The following NFATC1 variants were observed in gnomAD, a reference collection of about 807,000 sequenced individuals.
NFATC1 encodes nuclear factor of activated T-cells, cytoplasmic 1.
In NFATC1, 22 loss-of-function variants were observed where a neutral mutation model predicts 76.0. The observed-to-expected ratio is 0.29, with a 90% CI of 0.21 to 0.41. NFATC1 has a LOEUF of 0.41. Among genes scored for constraint, NFATC1 ranks in the 10% least tolerant of loss-of-function variants. The probability of loss-of-function intolerance (pLI) is 1.00; values close to 1 mark genes in which losing one functional copy is unlikely to be tolerated. For synonymous variants in NFATC1, 704 were observed against 613.1 expected (o/e 1.15, Z -2.19); for missense variants, 1,357 against 1,337.7 (o/e 1.01, Z -0.23).
chr18:79,410,831 G>T lies in NFATC1; in HGVS notation c.556G>T (p.Ala186Ser). Residue 186 changes from alanine (A) to serine (S), a missense_variant, in exon 2 of 10, where the codon GCC becomes TCC. Physicochemically the swap from Ala to Ser is moderately conservative, Grantham distance 99. Around this residue, in one of 3 missense-constraint regions of NFATC1, gnomAD observed 691 missense variants for 613.1 expected, o/e 1.13. Transcript: ENST00000427363. This position sits in a 1 kb window ranked among gnomAD's most constrained non-coding sequence, Gnocchi z 6.7. The part of the protein sequence containing the change: ...SLSSRSCNSE[A>S]SSYESNYSYP... ...GTCCTCCCGGAGCTGCAACTCAGAG[G>T]CCTCCTCCTACGAGTCCAACTACTC... is the stretch of plus-strand genomic sequence containing the variant. The T allele has an allele frequency of 6.2e-7, 1 of 1,611,736 alleles. No individual in the cohort carries two copies. The highest frequency in any genetic ancestry group is 8.5e-7 in the Non-Finnish European group (1 of 1,179,438).
At chr18:79,516,566 T>C (rs888526779) in intron 9 of NFATC1, among the ~76,000 whole-genome samples, 4 of 152,248 alleles carry the variant, frequency 2.6e-5, no homozygotes, top group African/African-American at 9.6e-5. Flanking sequence ...CGCCCAGCAG[T>C]GTCGGACAGT....
At chr18:79,419,275 T>C (rs549007563) in intron 2 of NFATC1, among the ~76,000 whole-genome samples, 174 of 152,328 alleles carry the variant, frequency 1.1e-3, no homozygotes, top group African/African-American at 4.0e-3. Context: ...CCTCCCGACC[T>C]GTCCTCTCAA....
chr18:79,492,130 G>A (rs983605611), intron 9 of NFATC1, among the ~76,000 whole-genome samples: 1 of 152,210 alleles, frequency 6.6e-6, no homozygotes, highest in Non-Finnish European at 1.5e-5. Context: ...CAGAGTCTAG[G>A]TAGGGGGTCC....
intron 2 of NFATC1, among the ~76,000 whole-genome samples, chr18:79,413,838 C>CTGTT (rs2085783163): frequency 6.6e-6 from 1 of 152,148 alleles, no homozygotes; most frequent in African/African-American, 2.4e-5. Flanking sequence ...GCATGGGTGG[C>CTGTT]TGTTTATTTT....
intron 1 of NFATC1, among the ~76,000 whole-genome samples, chr18:79,398,817 C>T (rs891858483): frequency 6.6e-6 from 1 of 152,246 alleles, no homozygotes; most frequent in African/African-American, 2.4e-5. Context: ...GCCTGTAATC[C>T]CAGCACTTTG....
At chr18:79,468,071 C>A in intron 8 of NFATC1, 1 of 855,244 alleles carries the variant, frequency 1.2e-6, no homozygotes. Flanking sequence ...GACACTTCTC[C>A]AGGGGTAACT....
intron 1 of NFATC1, among the ~76,000 whole-genome samples, chr18:79,399,397 C>G (rs1171032963): frequency 6.6e-6 from 1 of 152,234 alleles, no homozygotes; most frequent in Non-Finnish European, 1.5e-5. Context: ...GGTTGCCAGC[C>G]TTGACACGCG....
chr18:79,492,529 G>GA (rs2089710086), intron 9 of NFATC1, among the ~76,000 whole-genome samples: 1 of 151,964 alleles, frequency 6.6e-6, no homozygotes, highest in South Asian at 2.1e-4. Flanking sequence ...CTAACATGGT[G>GA]AAACCCCATC....
rs144287789 is a variant in NFATC1, at chr18:79,527,182, G to A, written c.2783-346G>A. On this transcript the variant is annotated intron_variant, in intron 9 of 9. Transcript: ENST00000427363. ...CGACACTGGTGCTGACACCACAGAAGTGCTGGTGTGGACCTGTGGGTCGCT... is the reference window on the plus strand; with the variant it reads ...CGACACTGGTGCTGACACCACAGAAATGCTGGTGTGGACCTGTGGGTCGCT... The A allele has an allele frequency of 1.3e-3, 278 of 220,046 alleles. 2 individuals are homozygous for A. Among genetic ancestry groups the A allele is most frequent in the Middle Eastern group, 0.012 (7 of 598 alleles). The allele number at this position is 220,046 out of a possible 1,614,324, so 13.6% of individuals were successfully genotyped here.
At chr18:79,429,368 CT>C (rs570144791) in intron 2 of NFATC1, among the ~76,000 whole-genome samples, 49 of 149,650 alleles carry the variant, frequency 3.3e-4, no homozygotes, top group African/African-American at 1.1e-3. Flanking sequence ...TTCACCCGAG[CT>C]TTTTTTTTTA....
chr18:79,470,335 G>C (rs11662064), intron 8 of NFATC1: 1 of 152,282 alleles, frequency 6.6e-6, no homozygotes, highest in Non-Finnish European at 1.5e-5. Context: ...TAGCAGTCTA[G>C]GTTTCCGCTG....
intron 8 of NFATC1, among the ~76,000 whole-genome samples, chr18:79,482,447 C>A (rs1366994002): frequency 1.5e-4 from 17 of 112,964 alleles, no homozygotes; most frequent in South Asian, 9.3e-4. Flanking sequence ...CCTGGGGTGT[C>A]ATTCCAGCGT....
chr18:79,424,591 GTC>G (rs1203279676), intron 2 of NFATC1, among the ~76,000 whole-genome samples: 1 of 139,646 alleles, frequency 7.2e-6, no homozygotes, highest in Non-Finnish European at 1.5e-5. Flanking sequence ...CTCTTTCTCT[GTC>G]TCTCTCTGTC....
chr18:79,454,019 C>T (rs2087585014), intron 6 of NFATC1, among the ~76,000 whole-genome samples: 1 of 152,330 alleles, frequency 6.6e-6, no homozygotes, highest in Admixed American at 6.5e-5. Context: ...ATTAAAAACA[C>T]AGTTGCCCTC....
intron 2 of NFATC1, among the ~76,000 whole-genome samples, chr18:79,417,474 A>G (rs2085917737): frequency 2.9e-5 from 1 of 34,282 alleles, no homozygotes; most frequent in Non-Finnish European, 5.8e-5. Context: ...CTGTGGTGGG[A>G]GATGGGAGAT....
chr18:79,419,083 G>A (rs375561024), intron 2 of NFATC1, among the ~76,000 whole-genome samples: 30 of 152,166 alleles, frequency 2.0e-4, no homozygotes, highest in Non-Finnish European at 3.2e-4. Context: ...GGAGTGCAGG[G>A]TGTCATCACA....
chr18:79,418,862 G>A (rs1038081744), intron 2 of NFATC1, among the ~76,000 whole-genome samples: 1 of 152,206 alleles, frequency 6.6e-6, no homozygotes, highest in Non-Finnish European at 1.5e-5. Flanking sequence ...GGTGTGAGGA[G>A]GCTGCGGAGG....
intron 2 of NFATC1, among the ~76,000 whole-genome samples, chr18:79,414,003 C>CAGTT (rs2085790492): frequency 6.6e-6 from 1 of 152,186 alleles, no homozygotes; most frequent in African/African-American, 2.4e-5. Flanking sequence ...AAACTCGCTC[C>CAGTT]TGGGGTTTGC....
At chr18:79,445,726 CTG>C (rs999843586) in intron 3 of NFATC1, among the ~76,000 whole-genome samples, 1 of 152,218 alleles carries the variant, frequency 6.6e-6, no homozygotes, top group African/African-American at 2.4e-5. Flanking sequence ...ACGGCTGCTC[CTG>C]TGCCCTGCCT....
Sources: allele counts gnomAD v4.1 joint callset (sites outside exome capture counted in the v4.1 genomes callset), GRCh38; gene constraint gnomAD v4.1.1; regional missense constraint gnomAD v4.1.1; non-coding constraint Gnocchi (gnomAD v3.1); transcripts MANE v1.5; gene names NCBI Gene and HGNC (gene_info 2026-07-23, HGNC 2026-07-21).